The following GLA variants were observed in gnomAD, a reference collection of about 807,000 sequenced individuals.
GLA encodes the protein alpha-galactosidase A.
Under a neutral mutation model 28.2 loss-of-function variants are expected in GLA, and 4 were observed. That is an observed-to-expected ratio of 0.14 (90% CI 0.07 to 0.32). The LOEUF (loss-of-function observed/expected upper bound fraction) is 0.32, where lower values mean the gene tolerates loss of function less well. Ranked by LOEUF, GLA falls within the 10% of genes least tolerant of loss-of-function variation. GLA has a pLI of 1.00. For synonymous variants in GLA, 94 were observed against 113.0 expected, an observed-to-expected ratio of 0.83 and a Z score of 1.07; for missense variants, 203 against 323.7, an observed-to-expected ratio of 0.63 and a Z score of 2.86.
chrX:101,403,541 C>T (rs1337698279), intron 2 of GLA, among the ~76,000 whole-genome samples: 1 of 108,748 alleles, frequency 9.2e-6, no homozygotes, highest in Non-Finnish European at 1.9e-5. Context: ...GATTCTCCTG[C>T]CTCAGCCTCC....
At chrX:101,400,897 G>A in intron 3 of GLA, 140 bp from the exon 4 acceptor site, 2 of 338,812 alleles carry the variant, frequency 5.9e-6, no homozygotes, top group Middle Eastern at 8.7e-4. Context: ...GTGCAGTGGT[G>A]CGATCTTGGC....
At chrX:101,406,778 A>G (rs2089369924) in intron 1 of GLA, among the ~76,000 whole-genome samples, 1 of 112,683 alleles carries the variant, frequency 8.9e-6, no homozygotes, top group Non-Finnish European at 1.9e-5. Context: ...TGAGAATTTG[A>G]AGAAAGGTAA....
At chrX:101,399,372 G>A (rs1222319974) in intron 4 of GLA, among the ~76,000 whole-genome samples, 1 of 112,311 alleles carries the variant, frequency 8.9e-6, no homozygotes, top group Non-Finnish European at 1.9e-5. Flanking sequence ...TTCGAGACAA[G>A]CCTGGCCAAC....
At chrX:101,405,765 C>A (rs193296587) in intron 1 of GLA, among the ~76,000 whole-genome samples, 2,358 of 109,043 alleles carry the variant, frequency 0.022, 51 homozygotes, top group African/African-American at 0.074. Context: ...ACTGAAAATA[C>A]AAAAATTAGC....
At position 101,407,775 on chromosome X, in the gene GLA, G is replaced by A. The variant is rs146177035; in HGVS notation, c.129C>T (p.Gly43=). The A allele has an allele frequency of 1.2e-4, 143 of 1,209,678 alleles. No homozygotes were observed. In the East Asian group the frequency reaches 2.8e-3, roughly 24 times the overall value. The change falls in exon 1 of 7, where the codon GGC becomes GGT. Residue 43 remains glycine (G), a synonymous_variant. Transcript: ENST00000218516. ...ACATGAAGCGCTCCCAGTGCAGCCAGCCCATGGTAGGCGTCCTTGCCAATC... is the reference window on the plus strand; with the variant it reads ...ACATGAAGCGCTCCCAGTGCAGCCAACCCATGGTAGGCGTCCTTGCCAATC... ...DNGLARTPTM[G]WLHWERFMCN...
intron 1 of GLA, among the ~76,000 whole-genome samples, chrX:101,406,100 T>G (rs1603046140): frequency 1.1e-5 from 1 of 93,009 alleles, no homozygotes. Context: ...TAGTCCCAGC[T>G]ACTCGGGAGG....
At chrX:101,402,318 C>G (rs1928345131) in intron 2 of GLA, among the ~76,000 whole-genome samples, 1 of 111,876 alleles carries the variant, frequency 8.9e-6, no homozygotes, top group Admixed American at 9.5e-5. Context: ...GTACATGAAG[C>G]TTTAGCAAGA....
chrX:101,407,461 CGA>C (rs782246787), intron 1 of GLA, among the ~76,000 whole-genome samples: 54 of 103,205 alleles, frequency 5.2e-4, no homozygotes, highest in Admixed American at 2.1e-3. Flanking sequence ...AGAAGGAGAA[CGA>C]GAGAGAGAGA....
chrX:101,398,769 G>A lies in GLA; in HGVS notation c.801+16C>T, dbSNP rs1555985070. 5.8e-6 allele frequency: 7 copies of A among 1,204,859 alleles called. No homozygotes were observed. Among genetic ancestry groups the A allele is most frequent in the Non-Finnish European group, 4.5e-6 (4 of 889,235 alleles). ...CCTACCGCAGGGTCTTGAACAAGGAGGGCTCAAGTTTTTACCATATCTGGG... is the reference window on the plus strand; with the variant it reads ...CCTACCGCAGGGTCTTGAACAAGGAAGGCTCAAGTTTTTACCATATCTGGG... On this transcript the variant is annotated intron_variant, in intron 5 of 6. Coordinates refer to ENST00000218516, the MANE Select transcript of GLA (RefSeq NM_000169.3).
chrX:101,399,172 T>C (rs1335297290), intron 4 of GLA, among the ~76,000 whole-genome samples: 3 of 112,531 alleles, frequency 2.7e-5, no homozygotes, highest in Non-Finnish European at 5.6e-5. Flanking sequence ...TAATCAGAAC[T>C]AAAATGGTCT....
At chrX:101,398,317 CAA>C in intron 6 of GLA, 51 bp downstream of exon 6, 2 of 959,855 alleles carry the variant, frequency 2.1e-6, no homozygotes, top group Non-Finnish European at 3.0e-6. Flanking sequence ...AGGCCCAAGA[CAA>C]AGTTGGTATT....
Position 101,398,771 on chromosome X carries a change from G to A in GLA, c.801+14C>T, listed in dbSNP as rs200744672. ...TACCGCAGGGTCTTGAACAAGGAGG[G>A]CTCAAGTTTTTACCATATCTGGGTC... On this transcript the variant is annotated intron_variant, in intron 5 of 6. Coordinates refer to ENST00000218516, the MANE Select transcript of GLA (RefSeq NM_000169.3). The A allele has an allele frequency of 9.0e-5, 108 of 1,205,251 alleles. No homozygotes were observed. In the East Asian group the frequency reaches 3.2e-3, roughly 36 times the overall value.
rs190347120 is a variant in GLA at position 101,398,796 on chromosome X, C to T, written c.790G>A (p.Asp264Asn). 3.3e-6 allele frequency: 4 copies of T among 1,210,898 alleles called. No homozygotes were observed. The highest frequency in any genetic ancestry group is 4.5e-6 in the Non-Finnish European group (4 of 894,635). ...GCTCAAGTTTTTACCATATCTGGGT[C>T]ATTCCAACCCCCTGGTCCAGCAACA... ...VDVAGPGGWN[D>N]PDMLVIGNFG... The change falls in exon 5 of 7, where the codon GAC (aspartate) becomes AAC (asparagine). Residue 264 changes from aspartate (D) to asparagine (N), a missense_variant. Asp to Asn is a conservative substitution (Grantham distance 23). Transcript: ENST00000218516.
rs1928143904 is a variant in GLA at position 101,398,110 on chromosome X, A to G, written c.1000-11T>C. The G allele has an allele frequency of 8.3e-7, 1 of 1,205,669 alleles. No homozygotes were observed. The highest frequency in any genetic ancestry group is 2.2e-5 in the Admixed American group (1 of 46,119). On this transcript the variant is annotated splice_polypyrimidine_tract_variant and intron_variant, in intron 6 of 6. Coordinates refer to ENST00000218516, the MANE Select transcript of GLA (RefSeq NM_000169.3). ...TTCAAAGTTGTCTCCCTGAAAAACCAAGAAAGTGTGGTTGCTTAGCAACTA... is the reference window on the plus strand; with the variant it reads ...TTCAAAGTTGTCTCCCTGAAAAACCGAGAAAGTGTGGTTGCTTAGCAACTA...
chrX:101,398,358 A>AAGATGG lies in GLA; in HGVS notation c.999+11_999+12insCCATCT. Reference sequence around the variant, plus strand: ...TATATAAAGCCATCTTAAAATATATACTCTTATTTACCTGTCTAAGCTGGT... The same window carrying AAGATGG: ...TATATAAAGCCATCTTAAAATATATAAGATGGCTCTTATTTACCTGTCTAAGCTGGT... On this transcript the variant is annotated intron_variant, in intron 6 of 6. Transcript: ENST00000218516. The AAGATGG allele has an allele frequency of 5.2e-6, 6 of 1,154,249 alleles. No individual in the cohort carries two copies. Among genetic ancestry groups the AAGATGG allele is most frequent in the Non-Finnish European group, 7.1e-6 (6 of 843,785 alleles).
Position 101,401,760 on chromosome X carries a change from T to G in GLA, c.419A>C (p.Lys140Thr), listed in dbSNP as rs150228150. The G allele has an allele frequency of 2.5e-6, 3 of 1,211,312 alleles. No individual in the cohort carries two copies. Among genetic ancestry groups the G allele is most frequent in the Admixed American group, 4.3e-5 (2 of 46,057 alleles). ...ACTCCCAGGGAAGCCTGCGCAGGTTTTATTTCCAACATCTGCATAAATCCC... is the reference window on the plus strand; with the variant it reads ...ACTCCCAGGGAAGCCTGCGCAGGTTGTATTTCCAACATCTGCATAAATCCC... ...KLGIYADVGN[K>T]TCAGFPGSFG... The change falls in exon 3 of 7, where the codon AAA becomes ACA. Residue 140 changes from lysine (K) to threonine (T), a missense_variant. Lys to Thr is a moderately conservative substitution (Grantham distance 78). Coordinates refer to ENST00000218516, the MANE Select transcript of GLA (RefSeq NM_000169.3).
intron 1 of GLA, among the ~76,000 whole-genome samples, chrX:101,404,355 C>T (rs192869593): frequency 2.3e-4 from 26 of 111,350 alleles, no homozygotes; most frequent in Non-Finnish European, 2.6e-4. Flanking sequence ...AACTGAACAA[C>T]CTAAAATGCC....
chrX:101,400,798 A>G (rs1187294369), intron 3 of GLA, 41 bp from the exon 4 acceptor site: 1 of 696,358 alleles, frequency 1.4e-6, no homozygotes, highest in East Asian at 3.2e-5. Context: ...GAAAGAAATG[A>G]ATTTCCAGCT....
chrX:101,399,013 A>T (rs869312367), intron 4 of GLA, 67 bp from the exon 5 acceptor site: 50 of 964,284 alleles, frequency 5.2e-5, no homozygotes, highest in Non-Finnish European at 7.1e-5. Flanking sequence ...AAAACAGTTT[A>T]AAGGAGGCAC....
Sources: allele counts gnomAD v4.1 joint callset (sites outside exome capture counted in the v4.1 genomes callset), GRCh38; gene constraint gnomAD v4.1.1; transcripts MANE v1.5; gene names NCBI Gene and HGNC (gene_info 2026-07-23, HGNC 2026-07-21).